FAAH: variants seen among roughly 807,000 people sequenced by gnomAD.
FAAH encodes fatty-acid amide hydrolase 1.
FAAH carries 63 observed loss-of-function variants against 69.7 expected under a neutral mutation model. The ratio of observed to expected loss-of-function variants is 0.90; its 90% confidence interval spans 0.74 to 1.12. FAAH has a LOEUF of 1.12. Among genes scored for constraint, FAAH ranks in the 50% most tolerant of loss-of-function variants. The pLI is 0.00. For synonymous variants in FAAH, 305 were observed against 324.2 expected, an observed-to-expected ratio of 0.94 and a Z score of 0.64; for missense variants, 680 against 755.0, an observed-to-expected ratio of 0.90 and a Z score of 1.16.
chr1:46,405,481 C>A lies in FAAH; in HGVS notation c.554C>A (p.Thr185Asn). The change falls in exon 4 of 15, where the codon ACC becomes AAC. Residue 185 changes from threonine to asparagine, a missense_variant. Physicochemically the swap from Thr to Asn is moderately conservative, Grantham distance 65 (BLOSUM62 0). Transcript: ENST00000243167. The surrounding 1 kb of genome is among the most constrained non-coding windows in gnomAD (Gnocchi z 4.1). ...CAGGGTGCCGTGCCCTTCGTGCACA[C>A]CAATGTTCCACAGTCCATGTTCAGG... ...KLQGAVPFVH[T>N]NVPQSMFSYD... The A allele has an allele frequency of 6.2e-7, 1 of 1,600,598 alleles. No homozygotes were observed. The highest frequency in any genetic ancestry group is 8.5e-7 in the Non-Finnish European group (1 of 1,172,278).
intron 8 of FAAH, 92 bp from the exon 9 acceptor site, chr1:46,409,009 G>A: frequency 1.0e-6 from 1 of 993,752 alleles, no homozygotes; most frequent in Non-Finnish European, 1.6e-6. Flanking sequence ...GGGCAGGGTT[G>A]GTCCAATCCA....
At chr1:46,409,398 A>AG (rs1163849707) in intron 9 of FAAH, 200 bp downstream of exon 9, 1 of 586,360 alleles carries the variant, frequency 1.7e-6, no homozygotes, top group Non-Finnish European at 3.2e-6. Context: ...GCCCGAGGGG[A>AG]GGCTGGGTTG....
At chr1:46,395,381 T>C (rs1055583546) in intron 1 of FAAH, among the ~76,000 whole-genome samples, 6 of 152,250 alleles carry the variant, frequency 3.9e-5, no homozygotes, top group Admixed American at 1.3e-4. Context: ...GCAAGCCCTT[T>C]CCATGAGCAG....
At chr1:46,401,637 C>T (rs1664704963) in intron 1 of FAAH, among the ~76,000 whole-genome samples, 1 of 152,152 alleles carries the variant, frequency 6.6e-6, no homozygotes, top group African/African-American at 2.4e-5. Context: ...CTCTCAGCCT[C>T]AGTTTATCTG....
chr1:46,411,991 C>G lies in FAAH; in HGVS notation c.1357-152C>G. 5 of 736,340 alleles carry G rather than the reference C, an allele frequency of 6.8e-6. No homozygotes were observed. The highest frequency in any genetic ancestry group is 1.2e-5 in the Non-Finnish European group (5 of 414,174). 45.6% of individuals were successfully genotyped at this position (736,340 alleles called of 1,614,324 possible). On this transcript the variant is annotated intron_variant, in intron 12 of 14. Coordinates refer to ENST00000243167, the MANE Select transcript of FAAH (RefSeq NM_001441.3). The surrounding 1 kb of genome is among the most constrained non-coding windows in gnomAD (Gnocchi z 4.8). ...TGATGCCCTCTGAGAGGCAGCACTG[C>G]CTGCCCGGAGGACCTGTGTCCCACT...
intron 13 of FAAH, among the ~76,000 whole-genome samples, chr1:46,412,866 G>A (rs1419454521): frequency 2.6e-4 from 39 of 152,166 alleles, no homozygotes; most frequent in Non-Finnish European, 1.5e-5. Flanking sequence ...AAAGTACATG[G>A]GCAAAGGCAT....
intron 2 of FAAH, among the ~76,000 whole-genome samples, chr1:46,403,816 A>C (rs1352203763): frequency 2.6e-5 from 4 of 152,202 alleles, no homozygotes; most frequent in Non-Finnish European, 5.9e-5. Context: ...TGTCTTCTCT[A>C]TCTCTTTCCC....
At position 46,405,241 on chromosome 1, in the gene FAAH, T is replaced by G. The variant is rs1664769954; in HGVS notation, c.444+93T>G. On this transcript the variant is annotated intron_variant, in intron 3 of 14. Transcript: ENST00000243167. This position sits in a 1 kb window ranked among gnomAD's most constrained non-coding sequence, Gnocchi z 4.1. ...GGTCATTTTGGGCCCTTAGAGGAGG[T>G]ATCAGGTCCAGAGGCCTTCCGAGGG... 1.9e-6 allele frequency: 3 copies of G among 1,611,296 alleles called. No homozygotes were observed. In the South Asian group the frequency reaches 3.3e-5, roughly 18 times the overall value.
chr1:46,410,695 C>T lies in FAAH; in HGVS notation c.1276-119C>T. 3.0e-6 allele frequency: 4 copies of T among 1,322,872 alleles called. No individual in the cohort carries two copies. Among genetic ancestry groups the T allele is most frequent in the Non-Finnish European group, 4.4e-6 (4 of 916,422 alleles). 81.9% of individuals were successfully genotyped at this position (1,322,872 alleles called of 1,614,324 possible). ...GCCAACCCGCATGCTGAAAGGGGTG[C>T]CGACCTGGGCCCTGGGGGGAGGCAT... On this transcript the variant is annotated intron_variant, in intron 10 of 14. Coordinates refer to ENST00000243167, the MANE Select transcript of FAAH (RefSeq NM_001441.3). The surrounding 1 kb of genome is among the most constrained non-coding windows in gnomAD (Gnocchi z 4.9).
chr1:46,406,271 G>C lies in FAAH; in HGVS notation c.854G>C (p.Arg285Pro). The C allele has an allele frequency of 6.2e-7, 1 of 1,614,072 alleles. No homozygotes were observed. Among genetic ancestry groups the C allele is most frequent in the Non-Finnish European group, 8.5e-7 (1 of 1,180,040 alleles). ...AVRLSVGPMA[R>P]DVESLALCLR... ...CGTCTCTCCGTGGGCCCCATGGCCC[G>C]GGACGTGGAGAGCCTGGCACTGTGC... is the stretch of plus-strand genomic sequence containing the variant. Residue 285 changes from arginine to proline, a missense_variant, in exon 7 of 15, where the codon CGG (arginine) becomes CCG (proline). Arg to Pro is a moderately radical substitution (Grantham distance 103). Transcript: ENST00000243167.
At chr1:46,402,062 G>A (rs1459895400) in intron 1 of FAAH, 29 bp from the exon 2 acceptor site, 2 of 1,565,952 alleles carry the variant, frequency 1.3e-6, no homozygotes, top group Non-Finnish European at 1.7e-6. Context: ...TCGGCGAGTA[G>A]GGGACTGATC....
At chr1:46,412,353 CTCGGGGCCCACAG>C in intron 13 of FAAH, 102 bp downstream of exon 13, 5 of 989,110 alleles carry the variant, frequency 5.1e-6, no homozygotes, top group Non-Finnish European at 7.7e-6. Context: ...ACCCTGCCCT[CTCGGGGCCCACAG>C]TCTGGCTGAC....
intron 1 of FAAH, 29 bp downstream of exon 1, chr1:46,394,572 G>A: frequency 3.0e-6 from 4 of 1,321,920 alleles, no homozygotes; most frequent in Non-Finnish European, 3.8e-6. Flanking sequence ...TGGGATGGGC[G>A]CGGCCTGAGG....
At position 46,406,272 on chromosome 1, in the gene FAAH, G is replaced by A; in HGVS notation, c.855G>A (p.Arg285=). 6.2e-7 allele frequency: 1 copy of A among 1,614,078 alleles called. No individual in the cohort carries two copies. The highest frequency in any genetic ancestry group is 1.3e-5 in the African/African-American group (1 of 75,076). Residue 285 remains arginine, a synonymous_variant, in exon 7 of 15, where the codon CGG becomes CGA. Coordinates refer to ENST00000243167, the MANE Select transcript of FAAH (RefSeq NM_001441.3). Reference sequence around the variant, plus strand: ...GTCTCTCCGTGGGCCCCATGGCCCGGGACGTGGAGAGCCTGGCACTGTGCC... The same window carrying A: ...GTCTCTCCGTGGGCCCCATGGCCCGAGACGTGGAGAGCCTGGCACTGTGCC... ...AVRLSVGPMA[R]DVESLALCLR...
In FAAH at chr1:46,405,668, G is replaced by A. The variant is rs1490943212; in HGVS notation, c.659G>A (p.Gly220Asp). ...SSKSPGGSSG[G>D]EGALIGSGGS... ...AAAAGCCCAGGGGGCTCCTCAGGGG[G>A]TGAAGGGGCCCTCATCGGGTCTGGA... Residue 220 changes from glycine (G) to aspartate (D), a missense_variant, in exon 5 of 15, where the codon GGT becomes GAT. Transcript: ENST00000243167. The surrounding 1 kb of genome is among the most constrained non-coding windows in gnomAD (Gnocchi z 4.1). 6.2e-7 allele frequency: 1 copy of A among 1,613,466 alleles called. No homozygotes were observed. The highest frequency in any genetic ancestry group is 1.7e-5 in the Admixed American group (1 of 60,012).
chr1:46,405,868 C>T lies in FAAH; in HGVS notation c.785+74C>T. The T allele has an allele frequency of 6.2e-7, 1 of 1,606,282 alleles. No individual in the cohort carries two copies. Among genetic ancestry groups the T allele is most frequent in the African/African-American group, 1.3e-5 (1 of 74,842 alleles). On this transcript the variant is annotated intron_variant, in intron 5 of 14. Coordinates refer to ENST00000243167, the MANE Select transcript of FAAH (RefSeq NM_001441.3). The surrounding 1 kb of genome is among the most constrained non-coding windows in gnomAD (Gnocchi z 4.1). ...CCTAGCTTCCAACCTCTCTGGGCTCCAGGCGGGGATTCGGTCTCCGGGGTT... is the reference window on the plus strand; with the variant it reads ...CCTAGCTTCCAACCTCTCTGGGCTCTAGGCGGGGATTCGGTCTCCGGGGTT...
At chr1:46,409,337 T>G in intron 9 of FAAH, 139 bp downstream of exon 9, 1 of 722,130 alleles carries the variant, frequency 1.4e-6, no homozygotes, top group Non-Finnish European at 2.5e-6. Context: ...GGGACCTCGC[T>G]GTCCCTCCAG....
chr1:46,409,278 C>A, intron 9 of FAAH, 80 bp downstream of exon 9: 1 of 1,080,832 alleles, frequency 9.3e-7, no homozygotes, highest in Non-Finnish European at 1.4e-6. Flanking sequence ...TGTGGTGATG[C>A]CTGGATGGGC....
At chr1:46,398,915 C>T (rs1664648666) in intron 1 of FAAH, among the ~76,000 whole-genome samples, 1 of 152,208 alleles carries the variant, frequency 6.6e-6, no homozygotes, top group African/African-American at 2.4e-5. Context: ...TAGTTCACCT[C>T]TCTCTAAACT....
Sources: allele counts gnomAD v4.1 joint callset (sites outside exome capture counted in the v4.1 genomes callset), GRCh38; gene constraint gnomAD v4.1.1; non-coding constraint Gnocchi (gnomAD v3.1); transcripts MANE v1.5; gene names NCBI Gene and HGNC (gene_info 2026-07-23, HGNC 2026-07-21).